The following C1orf21 variants were observed in gnomAD, a reference collection of about 807,000 sequenced individuals.
The protein encoded by C1orf21 is uncharacterized protein C1orf21.
C1orf21 carries 3 observed loss-of-function variants against 18.7 expected under a neutral mutation model. That is an observed-to-expected ratio of 0.16 (90% CI 0.07 to 0.42). C1orf21 has a LOEUF of 0.42. Ranked by LOEUF, C1orf21 falls within the 10% of genes least tolerant of loss-of-function variation. C1orf21 has a pLI of 0.99. For synonymous variants in C1orf21, 41 were observed against 46.4 expected (o/e 0.88, Z 0.47); for missense variants, 104 against 143.6 (o/e 0.72, Z 1.41).
chr1:184,561,692 A>G (rs1306931449), intron 3 of C1orf21, among the ~76,000 whole-genome samples: 1 of 152,086 alleles, frequency 6.6e-6, no homozygotes, highest in Non-Finnish European at 1.5e-5. Flanking sequence ...TCTTCGGCTC[A>G]CTGCAAACTA....
intron 1 of C1orf21, among the ~76,000 whole-genome samples, chr1:184,409,791 T>C (rs907244798): frequency 2.2e-4 from 34 of 152,348 alleles, no homozygotes; most frequent in Middle Eastern, 3.4e-3. Flanking sequence ...TATTTTACTG[T>C]TCTAGACTAT....
intron 3 of C1orf21, among the ~76,000 whole-genome samples, chr1:184,583,480 TAA>T (rs1408296382): frequency 6.6e-6 from 1 of 152,194 alleles, no homozygotes; most frequent in Non-Finnish European, 1.5e-5. Flanking sequence ...TAAAAAAAGT[TAA>T]AGAGTTTGCT....
At position 184,628,373 on chromosome 1, in the gene C1orf21, A is replaced by G. The variant is rs920066869; in HGVS notation, c.*8817A>G. On this transcript the variant is annotated 3_prime_UTR_variant, in exon 6 of 6. Coordinates refer to ENST00000235307, the MANE Select transcript of C1orf21 (RefSeq NM_030806.4). ...ACTTTAAATGAATAAGACACAAAAT[A>G]TTATAAACAGAGGTTCTGGCATTTT... 1 of 152,244 alleles carries G rather than the reference A, an allele frequency of 6.6e-6. No individual in the cohort carries two copies. Among genetic ancestry groups the G allele is most frequent in the Non-Finnish European group, 1.5e-5 (1 of 68,056 alleles). 9.4% of individuals were successfully genotyped at this position (152,244 alleles called of 1,614,324 possible).
intron 1 of C1orf21, among the ~76,000 whole-genome samples, chr1:184,422,960 G>A (rs73063518): frequency 0.019 from 2,967 of 152,292 alleles, 98 homozygotes; most frequent in African/African-American, 0.068. Flanking sequence ...TACGCAAGAC[G>A]TTAAGGCATG....
chr1:184,505,350 C>A (rs1468954478), intron 2 of C1orf21, among the ~76,000 whole-genome samples: 7 of 85,460 alleles, frequency 8.2e-5, no homozygotes, highest in Non-Finnish European at 1.2e-4. Context: ...TACACACATG[C>A]CATATATATA....
intron 1 of C1orf21, among the ~76,000 whole-genome samples, chr1:184,438,835 G>A (rs1656900524): frequency 1.3e-5 from 2 of 152,160 alleles, no homozygotes; most frequent in African/African-American, 4.8e-5. Flanking sequence ...TCTTCAGTGG[G>A]AGGTGACCAC....
intron 2 of C1orf21, among the ~76,000 whole-genome samples, chr1:184,482,909 T>C (rs1571379288): frequency 6.6e-6 from 1 of 152,316 alleles, no homozygotes; most frequent in East Asian, 1.9e-4. Flanking sequence ...ACAACAAATG[T>C]GTGTGACAGA....
chr1:184,473,168 T>C (rs745418802), intron 1 of C1orf21, among the ~76,000 whole-genome samples: 13 of 152,210 alleles, frequency 8.5e-5, no homozygotes, highest in Admixed American at 2.0e-4. Context: ...ACAAAGATCA[T>C]TTAGATTAAA....
At chr1:184,569,076 T>C (rs894482278) in intron 3 of C1orf21, among the ~76,000 whole-genome samples, 3 of 152,234 alleles carry the variant, frequency 2.0e-5, no homozygotes, top group Non-Finnish European at 4.4e-5. Context: ...AGCCAAGGCA[T>C]TGGGATAAGT....
intron 1 of C1orf21, among the ~76,000 whole-genome samples, chr1:184,407,721 A>G (rs1353056214): frequency 1.3e-5 from 2 of 152,182 alleles, no homozygotes; most frequent in Non-Finnish European, 2.9e-5. Context: ...GGAAGAGGAA[A>G]TAGAAGCATT....
chr1:184,535,248 G>C (rs1658534184), intron 3 of C1orf21, among the ~76,000 whole-genome samples: 1 of 152,064 alleles, frequency 6.6e-6, no homozygotes. Context: ...TGGAAAGAGG[G>C]GTGCGTAAAA....
At chr1:184,533,543 A>G (rs1227321788) in intron 3 of C1orf21, among the ~76,000 whole-genome samples, 3 of 152,240 alleles carry the variant, frequency 2.0e-5, no homozygotes, top group Non-Finnish European at 4.4e-5. Context: ...GCTAAGAAAT[A>G]AGGCTTCATA....
intron 1 of C1orf21, among the ~76,000 whole-genome samples, chr1:184,468,310 T>C (rs1657437027): frequency 6.6e-6 from 1 of 152,208 alleles, no homozygotes; most frequent in Admixed American, 6.5e-5. Context: ...CCTGAAATAA[T>C]GTGGCCCGAG....
intron 1 of C1orf21, among the ~76,000 whole-genome samples, chr1:184,453,030 G>A (rs1435533871): frequency 6.6e-6 from 1 of 152,100 alleles, no homozygotes; most frequent in Non-Finnish European, 1.5e-5. Context: ...ATTCAGCTAG[G>A]GACATTTCCC....
chr1:184,550,526 C>G (rs557828271), intron 3 of C1orf21, among the ~76,000 whole-genome samples: 12 of 152,016 alleles, frequency 7.9e-5, no homozygotes, highest in East Asian at 3.9e-4. Context: ...TTGTTTGTTT[C>G]TTTGTTTGTT....
intron 1 of C1orf21, among the ~76,000 whole-genome samples, chr1:184,393,289 C>T (rs1656001292): frequency 6.6e-6 from 1 of 152,190 alleles, no homozygotes; most frequent in African/African-American, 2.4e-5. Flanking sequence ...TGCTTCCAGC[C>T]CAGTGACTCC....
intron 4 of C1orf21, among the ~76,000 whole-genome samples, chr1:184,591,641 C>A (rs1659438051): frequency 6.6e-6 from 1 of 151,864 alleles, no homozygotes; most frequent in Admixed American, 6.6e-5. Context: ...CCCATCTCTA[C>A]TAAAAATACA....
At chr1:184,411,499 G>A (rs1441059373) in intron 1 of C1orf21, among the ~76,000 whole-genome samples, 1 of 138,876 alleles carries the variant, frequency 7.2e-6, no homozygotes, top group Admixed American at 8.1e-5. Context: ...TCGGCTCACT[G>A]CAAGCTCCGC....
chr1:184,518,017 C>T (rs1308137346), intron 3 of C1orf21, among the ~76,000 whole-genome samples: 1 of 152,130 alleles, frequency 6.6e-6, no homozygotes, highest in Non-Finnish European at 1.5e-5. Flanking sequence ...TCATTCTATT[C>T]TGTTTGTTGT....
Sources: gnomAD v4.1 joint callset for allele counts (sites outside exome capture counted in the v4.1 genomes callset) on GRCh38, gnomAD v4.1.1 for gene constraint, MANE v1.5 for transcripts, NCBI Gene and HGNC (gene_info 2026-07-23, HGNC 2026-07-21) for gene names.